Variants in ATXN1 observed in about 807,000 individuals in gnomAD.
ATXN1 encodes ataxin 1, also known as ataxin-1.
Under a neutral mutation model 56.4 loss-of-function variants are expected in ATXN1, and 8 were observed. The observed-to-expected ratio is 0.14, with a 90% CI of 0.08 to 0.26. The LOEUF is 0.26. ATXN1 is among the 10% of genes least tolerant of loss of function. The probability of loss-of-function intolerance (pLI) is 1.00; values close to 1 mark genes in which losing one functional copy is unlikely to be tolerated. For missense variants in ATXN1, 987 were observed against 1,106.5 expected (o/e 0.89, Z 1.53); for synonymous variants, 514 against 494.6 (o/e 1.04, Z -0.52).
chr6:16,524,100 C>T (rs1208733098), intron 4 of ATXN1, among the ~76,000 whole-genome samples: 5 of 152,128 alleles, frequency 3.3e-5, no homozygotes, highest in South Asian at 4.1e-4. Context: ...AGGACGTGGA[C>T]GGCATGTGGC....
intron 3 of ATXN1, among the ~76,000 whole-genome samples, chr6:16,655,459 T>C (rs1337353102): frequency 1.3e-5 from 2 of 152,162 alleles, no homozygotes; most frequent in African/African-American, 4.8e-5. Flanking sequence ...GTACCCCTGA[T>C]GGCGTGATGA....
intron 6 of ATXN1, among the ~76,000 whole-genome samples, chr6:16,373,433 C>T (rs1274535611): frequency 6.6e-6 from 1 of 152,174 alleles, no homozygotes; most frequent in African/African-American, 2.4e-5. Context: ...TTTGATCTGT[C>T]CCACACACGT....
chr6:16,551,472 A>G (rs1761919038), intron 4 of ATXN1, among the ~76,000 whole-genome samples: 1 of 152,180 alleles, frequency 6.6e-6, no homozygotes, highest in African/African-American at 2.4e-5. Context: ...AATATGTTCA[A>G]GAGACCATTG....
At chr6:16,340,760 C>T (rs777679288) in intron 6 of ATXN1, among the ~76,000 whole-genome samples, 22 of 152,142 alleles carry the variant, frequency 1.4e-4, no homozygotes, top group Non-Finnish European at 2.8e-4. Flanking sequence ...CATCCATCAG[C>T]GTTCAGTGAT....
At chr6:16,531,361 A>G (rs1044070396) in intron 4 of ATXN1, among the ~76,000 whole-genome samples, 18 of 152,192 alleles carry the variant, frequency 1.2e-4, no homozygotes, top group Admixed American at 1.2e-3. Context: ...AGTGGCTCAC[A>G]CCTGTAATCC....
chr6:16,660,781 G>C (rs1018773773), intron 2 of ATXN1, among the ~76,000 whole-genome samples: 1 of 150,680 alleles, frequency 6.6e-6, no homozygotes, highest in African/African-American at 2.4e-5. Flanking sequence ...GAGACAAACA[G>C]GTTCTCAGTA....
intron 6 of ATXN1, chr6:16,485,350 A>G (rs1405000811): frequency 6.6e-6 from 1 of 152,178 alleles, no homozygotes; most frequent in Non-Finnish European, 1.5e-5. Context: ...TTCTCATGCA[A>G]GGCGGCCATC....
chr6:16,723,565 G>A (rs139728229), intron 2 of ATXN1, among the ~76,000 whole-genome samples: 147 of 152,108 alleles, frequency 9.7e-4, no homozygotes, highest in Admixed American at 3.7e-3. Context: ...ATTTCCCCTC[G>A]TAGGCTAAAT....
intron 7 of ATXN1, among the ~76,000 whole-genome samples, chr6:16,325,907 G>A (rs746989537): frequency 9.2e-5 from 14 of 152,048 alleles, no homozygotes; most frequent in Non-Finnish European, 1.8e-4. Context: ...AGCTGGGACC[G>A]AAGGCATATA....
At chr6:16,640,194 G>A (rs565150875) in intron 3 of ATXN1, among the ~76,000 whole-genome samples, 4 of 152,166 alleles carry the variant, frequency 2.6e-5, no homozygotes, top group Admixed American at 1.3e-4. Context: ...AAACTTTTGC[G>A]CTGTTATATC....
rs370698828 is a variant in ATXN1 at position 16,526,064 on chromosome 6, T to TATATATATATAC, written c.-360-3377_-360-3376insGTATATATATAT. Among the ~76,000 whole-genome samples the TATATATATATAC allele has an allele frequency of 3.2e-3, 424 of 133,292 alleles. 6 individuals carry two copies. Among genetic ancestry groups the TATATATATATAC allele is most frequent in the African/African-American group, 0.012 (389 of 32,532 alleles). The allele number at this position is 133,292 out of a possible 152,430, so 87.4% of individuals were successfully genotyped here. On this transcript the variant is annotated intron_variant, in intron 4 of 7. Transcript: ENST00000436367. Reference sequence around the variant, plus strand: ...ATCTATATATATATATATATATATATACATACATACAATCTATTTATAATG... The same window carrying TATATATATATAC: ...ATCTATATATATATATATATATATATATATATATATACACATACATACAATCTATTTATAATG...
intron 3 of ATXN1, among the ~76,000 whole-genome samples, chr6:16,648,130 G>C (rs2113827693): frequency 6.6e-6 from 1 of 152,296 alleles, no homozygotes; most frequent in Non-Finnish European, 1.5e-5. Context: ...ACTCTGGTCT[G>C]TATGTAGATC....
At chr6:16,322,079 C>T (rs1039548494) in intron 7 of ATXN1, among the ~76,000 whole-genome samples, 4 of 152,106 alleles carry the variant, frequency 2.6e-5, no homozygotes, top group Non-Finnish European at 4.4e-5. Context: ...AGAAAATTAG[C>T]TGGGTGTAGT....
chr6:16,561,350 T>C (rs1762112873), intron 4 of ATXN1, among the ~76,000 whole-genome samples: 7 of 152,176 alleles, frequency 4.6e-5, no homozygotes, highest in Admixed American at 4.6e-4. Flanking sequence ...AGGAGTTAAT[T>C]ATTTTGGTTC....
At chr6:16,567,539 C>T (rs1163813698) in intron 4 of ATXN1, among the ~76,000 whole-genome samples, 1 of 152,216 alleles carries the variant, frequency 6.6e-6, no homozygotes, top group South Asian at 2.1e-4. Context: ...ATCACCCTGA[C>T]AATCTAACTC....
chr6:16,613,545 G>C (rs909846553), intron 3 of ATXN1, among the ~76,000 whole-genome samples: 2 of 151,950 alleles, frequency 1.3e-5, no homozygotes, highest in African/African-American at 4.8e-5. Context: ...ATATAGAAAT[G>C]GTCAGGTCCG....
chr6:16,504,901 C>T (rs1760953017), intron 5 of ATXN1, among the ~76,000 whole-genome samples: 1 of 152,082 alleles, frequency 6.6e-6, no homozygotes, highest in Admixed American at 6.6e-5. Context: ...AGAGCTGCAA[C>T]ACCTGCTATT....
At chr6:16,754,246 T>A (rs188164678) in intron 1 of ATXN1, among the ~76,000 whole-genome samples, 18 of 152,346 alleles carry the variant, frequency 1.2e-4, no homozygotes. Context: ...AGGGTTACTA[T>A]AAAATCATCC....
At chr6:16,332,572 T>G (rs575449930) in intron 6 of ATXN1, among the ~76,000 whole-genome samples, 32 of 152,232 alleles carry the variant, frequency 2.1e-4, no homozygotes, top group Non-Finnish European at 3.8e-4. Flanking sequence ...CTTCCAAACA[T>G]GGGGCCATGC....
Sources: allele counts gnomAD v4.1 joint callset (sites outside exome capture counted in the v4.1 genomes callset), GRCh38; gene constraint gnomAD v4.1.1; transcripts MANE v1.5; gene names NCBI Gene and HGNC (gene_info 2026-07-23, HGNC 2026-07-21).